The following CACNB2 variants were observed in gnomAD, a reference collection of about 807,000 sequenced individuals.
CACNB2 encodes calcium voltage-gated channel auxiliary subunit beta 2.
CACNB2 carries 42 observed loss-of-function variants against 73.3 expected under a neutral mutation model. That is an observed-to-expected ratio of 0.57 (90% CI 0.45 to 0.74). The LOEUF (loss-of-function observed/expected upper bound fraction) is 0.74. Among genes scored for constraint, CACNB2 ranks in the 30% least tolerant of loss-of-function variants. CACNB2 has a pLI of 0.00. For synonymous variants in CACNB2, 348 were observed against 310.3 expected (o/e 1.12, Z -1.28); for missense variants, 940 against 853.0 (o/e 1.10, Z -1.27).
chr10:18,283,124 C>A (rs551184304), intron 2 of CACNB2, among the ~76,000 whole-genome samples: 51 of 152,286 alleles, frequency 3.3e-4, no homozygotes, highest in South Asian at 8.3e-4. Flanking sequence ...CAATGAGATA[C>A]TATCTCACAC....
chr10:18,165,494 C>T (rs1418945634), intron 2 of CACNB2, among the ~76,000 whole-genome samples: 1 of 152,248 alleles, frequency 6.6e-6, no homozygotes, highest in East Asian at 1.9e-4. Flanking sequence ...CTCCCTGTGA[C>T]CTCCGCCTCC....
At chr10:18,438,227 C>A (rs536912577) in intron 3 of CACNB2, among the ~76,000 whole-genome samples, 1 of 116,026 alleles carries the variant, frequency 8.6e-6, no homozygotes, top group South Asian at 3.1e-4. Flanking sequence ...GACGGGGTTT[C>A]ACCGCACTAG....
chr10:18,184,780 G>C (rs1279683536), intron 2 of CACNB2, among the ~76,000 whole-genome samples: 1 of 150,888 alleles, frequency 6.6e-6, no homozygotes, highest in East Asian at 2.0e-4. Flanking sequence ...TTGTTACCTA[G>C]GTAAACACCT....
At chr10:18,428,637 G>C (rs995627806) in intron 3 of CACNB2, among the ~76,000 whole-genome samples, 7 of 148,358 alleles carry the variant, frequency 4.7e-5, no homozygotes, top group African/African-American at 1.7e-4. Flanking sequence ...AGTGAGCCCA[G>C]ATCACACCAC....
chr10:18,201,505 C>T (rs2034881634), intron 2 of CACNB2, among the ~76,000 whole-genome samples: 1 of 152,114 alleles, frequency 6.6e-6, no homozygotes, highest in Non-Finnish European at 1.5e-5. Flanking sequence ...GAACTCCTGA[C>T]CTCATGTGAT....
chr10:18,378,941 C>G (rs1228759571), intron 2 of CACNB2, among the ~76,000 whole-genome samples: 2 of 152,184 alleles, frequency 1.3e-5, no homozygotes, highest in African/African-American at 2.4e-5. Context: ...CAGGGCTGTT[C>G]TAGGTGCTGG....
In CACNB2 at chr10:18,481,209, T is replaced by A. The variant is rs1428536120; in HGVS notation, c.334-17146T>A. 4.0e-3 allele frequency among the ~76,000 whole-genome samples: 44 copies of A among 10,950 alleles called. 3 individuals are homozygous for A. Among genetic ancestry groups the A allele is most frequent in the Admixed American group, 8.3e-3 (7 of 840 alleles). 7.2% of individuals were successfully genotyped at this position (10,950 alleles called of 152,430 possible). A position where few individuals can be genotyped will look rare whatever the true frequency, so the allele number is the denominator to read the frequency against. The stretch of plus-strand genomic sequence containing the variant: ...CATCTTCGCTATATATATATATATA[T>A]ATATATATATATATATATATATTTT... On this transcript the variant is annotated intron_variant, in intron 3 of 13. Coordinates refer to ENST00000324631, the MANE Select transcript of CACNB2 (RefSeq NM_201596.3).
At chr10:18,455,790 T>G (rs7923938) in intron 3 of CACNB2, among the ~76,000 whole-genome samples, 3 of 152,098 alleles carry the variant, frequency 2.0e-5, no homozygotes, top group Admixed American at 6.5e-5. Context: ...AAGAAGGTCA[T>G]AACCCAGCAA....
intron 3 of CACNB2, among the ~76,000 whole-genome samples, chr10:18,480,745 G>C (rs371588050): frequency 3.9e-5 from 6 of 152,146 alleles, no homozygotes; most frequent in African/African-American, 1.2e-4. Context: ...AGAGAAAATA[G>C]ACGAATTTAT....
chr10:18,270,489 T>C (rs1414825116), intron 2 of CACNB2, among the ~76,000 whole-genome samples: 1 of 152,226 alleles, frequency 6.6e-6, no homozygotes, highest in Non-Finnish European at 1.5e-5. Context: ...GGTATTTCTC[T>C]GCTTAAAGCC....
chr10:18,149,425 T>C (rs571207742), intron 1 of CACNB2, among the ~76,000 whole-genome samples: 2 of 152,334 alleles, frequency 1.3e-5, no homozygotes, highest in South Asian at 2.1e-4. Context: ...TTTATGAAGT[T>C]GAGAGTTAAT....
Position 18,513,649 on chromosome 10 carries a change from C to A in CACNB2, c.671-587C>A, listed in dbSNP as rs1430274315. ...CTCAAATTCGCTTTTTGTCTGACAT[C>A]ATTTCCATAGTCTAAAATAAACATA... On this transcript the variant is annotated intron_variant, in intron 6 of 13. Coordinates refer to ENST00000324631, the MANE Select transcript of CACNB2 (RefSeq NM_201596.3). The A allele has an allele frequency of 1.0e-5, 3 of 286,016 alleles. No homozygotes were observed. The East Asian group carries it at 2.8e-4, about 27-fold the overall frequency. The allele number at this position is 286,016 out of a possible 1,614,324, so 17.7% of individuals were successfully genotyped here. A position where few individuals can be genotyped will look rare whatever the true frequency, so the allele number is the denominator to read the frequency against.
At chr10:18,293,187 A>G (rs890079310) in intron 2 of CACNB2, among the ~76,000 whole-genome samples, 1 of 152,196 alleles carries the variant, frequency 6.6e-6, no homozygotes, top group Non-Finnish European at 1.5e-5. Context: ...TATTTCAGAA[A>G]AATTGACAAA....
intron 2 of CACNB2, among the ~76,000 whole-genome samples, chr10:18,155,075 T>C (rs1224541448): frequency 6.6e-6 from 1 of 152,176 alleles, no homozygotes; most frequent in Non-Finnish European, 1.5e-5. Flanking sequence ...GTAACATATA[T>C]GCCAAAAAGT....
chr10:18,519,849 A>G (rs890649095), intron 9 of CACNB2: 1 of 410,672 alleles, frequency 2.4e-6, no homozygotes, highest in Non-Finnish European at 4.8e-6. Context: ...ACATTGCTAA[A>G]TCCAGGGATA....
At chr10:18,370,459 G>T (rs1033100103) in intron 2 of CACNB2, among the ~76,000 whole-genome samples, 2 of 152,060 alleles carry the variant, frequency 1.3e-5, no homozygotes, top group Non-Finnish European at 2.9e-5. Flanking sequence ...CACCATGCCC[G>T]GCTAATTGTT....
chr10:18,321,940 G>A (rs1397836656), intron 2 of CACNB2, among the ~76,000 whole-genome samples: 1 of 152,028 alleles, frequency 6.6e-6, no homozygotes, highest in Non-Finnish European at 1.5e-5. Context: ...ATCACAAGAG[G>A]CCAAGAGTTC....
chr10:18,416,115 T>G (rs150034817), intron 3 of CACNB2, among the ~76,000 whole-genome samples: 21 of 152,242 alleles, frequency 1.4e-4, no homozygotes, highest in African/African-American at 4.1e-4. Context: ...ACTGTATGTT[T>G]GTACCCTTTA....
intron 3 of CACNB2, among the ~76,000 whole-genome samples, chr10:18,412,551 T>G (rs549514610): frequency 1.6e-3 from 241 of 152,350 alleles, no homozygotes; most frequent in African/African-American, 5.6e-3. Context: ...AGTGACTTCC[T>G]AATCACAAAG....
Sources: gnomAD v4.1 joint callset for allele counts (sites outside exome capture counted in the v4.1 genomes callset) on GRCh38, gnomAD v4.1.1 for gene constraint, MANE v1.5 for transcripts, NCBI Gene and HGNC (gene_info 2026-07-23, HGNC 2026-07-21) for gene names.